The following ZP1 variants were observed in gnomAD, a reference collection of about 807,000 sequenced individuals.
ZP1 encodes zona pellucida glycoprotein 1.
ZP1 carries 58 observed loss-of-function variants against 67.4 expected under a neutral mutation model. The ratio of observed to expected loss-of-function variants is 0.86; its 90% CI spans 0.70 to 1.07. The LOEUF (loss-of-function observed/expected upper bound fraction) is 1.07, where lower values mean the gene tolerates loss of function less well. Ranked by LOEUF, ZP1 falls within the 50% of genes least tolerant of loss-of-function variation. The pLI, the probability that ZP1 is intolerant of heterozygous loss-of-function variation, is 0.00. For synonymous variants in ZP1, 333 were observed against 332.7 expected (o/e 1.00, Z -0.01); for missense variants, 759 against 807.3 (o/e 0.94, Z 0.72).
chr11:60,869,642 C>T lies in ZP1; in HGVS notation c.424C>T (p.Arg142Trp), dbSNP rs769067635. ...TLICPKPDPS[R>W]TLDSQLAPPA... is the part of the protein sequence containing the mutation. The stretch of plus-strand genomic sequence containing the variant: ...GATCTGTCCCAAACCTGACCCCTCC[C>T]GGACTCTGGACTCCCAGCTGGCACC... Residue 142 changes from arginine to tryptophan, a missense_variant, in exon 3 of 12, where the codon CGG (arginine) becomes TGG (tryptophan). By Grantham distance (101) the Arg-to-Trp change is moderately radical. Transcript: ENST00000278853. 1.5e-5 allele frequency: 24 copies of T among 1,614,058 alleles called. No individual in the cohort carries two copies. The highest frequency in any genetic ancestry group is 9.3e-5 in the African/African-American group (7 of 74,900).
In ZP1 at chr11:60,870,390, GAGA is replaced by G. The variant is rs762620852; in HGVS notation, c.746_748del (p.Arg249del). 17 of 1,613,450 alleles carry G rather than the reference GAGA, an allele frequency of 1.1e-5. No homozygotes were observed. The highest frequency in any genetic ancestry group is 5.5e-5 in the South Asian group (5 of 90,902). On this transcript the variant is annotated inframe_deletion, in exon 4 of 12. Coordinates refer to ENST00000278853, the MANE Select transcript of ZP1 (RefSeq NM_207341.4). ...CCTCAGGGCACCTCCCCTGCATCGT[GAGA>G]AGAACTTCAAAAGAAGCCTGTCAGC...
rs948942236 is a variant in ZP1 at position 60,871,373 on chromosome 11, C to T, written c.1112+59C>T. ...TGTGCTAGGGTGTCAGGGGCACAGG[C>T]GAGCTCAGTACAGGCTTCGGAGCCA... On this transcript the variant is annotated intron_variant, in intron 6 of 11. Coordinates refer to ENST00000278853, the MANE Select transcript of ZP1 (RefSeq NM_207341.4). 8.2e-5 allele frequency: 128 copies of T among 1,569,648 alleles called. 2 individuals carry two copies. The Admixed American group carries it at 1.4e-3, about 17-fold the overall frequency.
chr11:60,870,708 G>T, intron 4 of ZP1: 3 of 671,488 alleles, frequency 4.5e-6, no homozygotes, highest in Non-Finnish European at 7.4e-6. Context: ...TGGACTTTCA[G>T]ATCTGAAACG....
intron 6 of ZP1, among the ~76,000 whole-genome samples, 159 bp downstream of exon 6, chr11:60,871,473 C>T (rs1221403872): frequency 6.6e-6 from 1 of 152,234 alleles, no homozygotes; most frequent in Non-Finnish European, 1.5e-5. Context: ...TTCCCAGCCT[C>T]CCCTGCTGGG....
chr11:60,867,891 C>A (rs1855500259), intron 1 of ZP1, 134 bp downstream of exon 1: 10 of 1,001,082 alleles, frequency 1.0e-5, no homozygotes, highest in Non-Finnish European at 1.4e-5. Flanking sequence ...CCCCCACCCC[C>A]TCACCACAGA....
At position 60,871,078 on chromosome 11, in the gene ZP1, A is replaced by G. The variant is rs759949449; in HGVS notation, c.948A>G (p.Pro316=). ...CCTATGCCCCCACCAGCTGCTCCCC[A>G]ACACAGCACACGGAAGCTTTCGTGG... is the stretch of plus-strand genomic sequence containing the variant. ...HLAYAPTSCS[P]TQHTEAFVVF... is the part of the protein sequence containing the mutation. Residue 316 remains proline (P), a synonymous_variant, in exon 5 of 12, where the codon CCA becomes CCG. Coordinates refer to ENST00000278853, the MANE Select transcript of ZP1 (RefSeq NM_207341.4). The G allele has an allele frequency of 1.2e-6, 2 of 1,614,178 alleles. No individual in the cohort carries two copies. The highest frequency in any genetic ancestry group is 1.7e-6 in the Non-Finnish European group (2 of 1,180,024).
chr11:60,873,543 A>G lies in ZP1; in HGVS notation c.1409A>G (p.Gln470Arg). The change falls in exon 8 of 12, where the codon CAG (glutamine) becomes CGG (arginine). Residue 470 changes from glutamine (Q) to arginine (R), a missense_variant. By Grantham distance (43) the Gln-to-Arg change is conservative (BLOSUM62 1). Transcript: ENST00000278853. The stretch of plus-strand genomic sequence containing the variant: ...AGTGCCAACCCCTTCCAGCAGCCCC[A>G]GTGGCCCATCCTGTCAGACGGGTGA... ...APSANPFQQP[Q>R]WPILSDGCPF... 6.2e-7 allele frequency: 1 copy of G among 1,612,688 alleles called. No homozygotes were observed. The highest frequency in any genetic ancestry group is 8.5e-7 in the Non-Finnish European group (1 of 1,178,998).
chr11:60,873,519 GT>G lies in ZP1; in HGVS notation c.1386del (p.Ser462ArgfsTer29). Reference sequence around the variant, plus strand: ...CTGCACCAGTGCTGGGGCGCTCCCAGTGCCAACCCCTTCCAGCAGCCCCAGT... The same window carrying G: ...CTGCACCAGTGCTGGGGCGCTCCCAGGCCAACCCCTTCCAGCAGCCCCAGT... ...LLLHQCWGAP[S>X]ANPFQQPQWP... On this transcript the variant is annotated frameshift_variant, in exon 8 of 12. Coordinates refer to ENST00000278853, the MANE Select transcript of ZP1 (RefSeq NM_207341.4). LOFTEE classifies it high-confidence loss of function. 1 of 1,612,996 alleles carries G rather than the reference GT, an allele frequency of 6.2e-7. No individual in the cohort carries two copies. The highest frequency in any genetic ancestry group is 8.5e-7 in the Non-Finnish European group (1 of 1,179,312).
chr11:60,870,212 G>T, intron 3 of ZP1, 120 bp from the exon 4 acceptor site: 1 of 1,039,914 alleles, frequency 9.6e-7, no homozygotes, highest in African/African-American at 1.7e-5. Flanking sequence ...AGTTTTGAGG[G>T]AGGACATTTA....
rs1478682951 is a variant in ZP1 at position 60,869,569 on chromosome 11, G to C, written c.351G>C (p.Glu117Asp). ...DGRFHLRVFM[E>D]AVLPNGRVDV... ...GTTTCCACCTGAGGGTGTTCATGGA[G>C]GCTGTGCTGCCCAATGGTCGTGTGG... Residue 117 changes from glutamate (E) to aspartate (D), a missense_variant, in exon 3 of 12, where the codon GAG becomes GAC. Physicochemically the swap from Glu to Asp is conservative, Grantham distance 45. Coordinates refer to ENST00000278853, the MANE Select transcript of ZP1 (RefSeq NM_207341.4). The C allele has an allele frequency of 1.2e-6, 2 of 1,612,060 alleles. No homozygotes were observed.
At chr11:60,874,867 T>C in intron 9 of ZP1, 66 bp from the exon 10 acceptor site, 1 of 1,524,034 alleles carries the variant, frequency 6.6e-7, no homozygotes, top group Non-Finnish European at 9.1e-7. Context: ...TTCCATGTCC[T>C]TCCCTTTGTG....
At chr11:60,873,887 G>A in intron 9 of ZP1, 112 bp downstream of exon 9, 1 of 1,418,292 alleles carries the variant, frequency 7.1e-7, no homozygotes, top group Non-Finnish European at 9.6e-7. Context: ...CTGGGATGGG[G>A]CTTGGCGTCT....
chr11:60,873,589 C>T lies in ZP1; in HGVS notation c.1430+25C>T, dbSNP rs781204360. On this transcript the variant is annotated intron_variant, in intron 8 of 11. Transcript: ENST00000278853. ...GGTGAGTGCCCCCACACTCCCCCCA[C>T]CTGCTCTGCCTCCTGTAAACAGCCT... 3.7e-6 allele frequency: 6 copies of T among 1,613,834 alleles called. No individual in the cohort carries two copies. In the Admixed American group the frequency reaches 1.0e-4, roughly 27 times the overall value.
In ZP1 at chr11:60,869,893, T is replaced by C; in HGVS notation, c.675T>C (p.Asp225=). 1 of 1,553,198 alleles carries C rather than the reference T, an allele frequency of 6.4e-7. No individual in the cohort carries two copies. Among genetic ancestry groups the C allele is most frequent in the Non-Finnish European group, 8.7e-7 (1 of 1,147,346 alleles). The change falls in exon 3 of 12, where the codon GAT becomes GAC. Residue 225 remains aspartate (D), a synonymous_variant. Coordinates refer to ENST00000278853, the MANE Select transcript of ZP1 (RefSeq NM_207341.4). Reference sequence around the variant, plus strand: ...AACACTGGGATGTGAACAAACGAGATTACATAGGTACGCAGGACATCTGAG... The same window carrying C: ...AACACTGGGATGTGAACAAACGAGACTACATAGGTACGCAGGACATCTGAG... ...TLEHWDVNKR[D]YIGTHLSQEQ...
chr11:60,872,114 A>G (rs1304889144), intron 6 of ZP1, among the ~76,000 whole-genome samples: 1 of 152,190 alleles, frequency 6.6e-6, no homozygotes, highest in Non-Finnish European at 1.5e-5. Context: ...GCTCACGCCT[A>G]TGATACCAGC....
At chr11:60,874,580 G>C (rs894080697) in intron 9 of ZP1, among the ~76,000 whole-genome samples, 3 of 152,214 alleles carry the variant, frequency 2.0e-5, no homozygotes, top group East Asian at 1.9e-4. Context: ...GGAAGGGAGA[G>C]AGCCAGCCCT....
In ZP1 at chr11:60,871,287, G is replaced by T. The variant is rs765236048; in HGVS notation, c.1085G>T (p.Gly362Val). Residue 362 changes from glycine (G) to valine (V), a missense_variant, in exon 6 of 12, where the codon GGT becomes GTT. Transcript: ENST00000278853. ...SGIHIQKGPQ[G>V]SITRDSTFQL... ...ATCCACATCCAAAAGGGGCCACAGGGTTCCATCACGCGGGACAGCACCTTC... is the reference window on the plus strand; with the variant it reads ...ATCCACATCCAAAAGGGGCCACAGGTTTCCATCACGCGGGACAGCACCTTC... The T allele has an allele frequency of 1.2e-6, 2 of 1,613,936 alleles. No homozygotes were observed. Among genetic ancestry groups the T allele is most frequent in the Non-Finnish European group, 1.7e-6 (2 of 1,180,044 alleles).
rs748270388 is a variant in ZP1, at chr11:60,869,269, A to AG, written c.318+7dup. 1 of 1,614,116 alleles carries AG rather than the reference A, an allele frequency of 6.2e-7. No homozygotes were observed. The highest frequency in any genetic ancestry group is 2.2e-5 in the East Asian group (1 of 44,868). ...GAGGCTGCCACGTGCTGGAGAAGGT[A>AG]GGGGTTGTTCATGCTCTGGCACAGG... is the stretch of plus-strand genomic sequence containing the variant. On this transcript the variant is annotated splice_donor_region_variant and intron_variant, in intron 2 of 11. Coordinates refer to ENST00000278853, the MANE Select transcript of ZP1 (RefSeq NM_207341.4).
At chr11:60,870,277 G>A in intron 3 of ZP1, 55 bp from the exon 4 acceptor site, 2 of 1,434,412 alleles carry the variant, frequency 1.4e-6, no homozygotes, top group African/African-American at 1.4e-5. Context: ...TCAATTCCAG[G>A]GCCATGATTT....
Sources: allele counts gnomAD v4.1 joint callset (sites outside exome capture counted in the v4.1 genomes callset), GRCh38; gene constraint gnomAD v4.1.1; transcripts MANE v1.5; gene names NCBI Gene and HGNC (gene_info 2026-07-23, HGNC 2026-07-21).